The following KCNMA1 variants were observed in gnomAD, a reference collection of about 807,000 sequenced individuals.
KCNMA1 encodes the protein potassium calcium-activated channel subfamily M alpha 1.
A neutral mutation model predicts 140.0 loss-of-function variants in KCNMA1; 29 were observed. The ratio of observed to expected loss-of-function variants is 0.21; its 90% CI spans 0.15 to 0.28. KCNMA1 has a LOEUF of 0.28. Among genes scored for constraint, KCNMA1 ranks in the 10% least tolerant of loss-of-function variants. KCNMA1 has a pLI of 1.00. For synonymous variants in KCNMA1, 612 were observed against 611.9 expected, an observed-to-expected ratio of 1.00 and a Z score of 0.00; for missense variants, 880 against 1,602.2, an observed-to-expected ratio of 0.55 and a Z score of 7.70.
At chr10:77,370,390 C>T (rs2094607715) in intron 2 of KCNMA1, among the ~76,000 whole-genome samples, 1 of 152,020 alleles carries the variant, frequency 6.6e-6, no homozygotes, top group Non-Finnish European at 1.5e-5. Flanking sequence ...GTCCAAGTAC[C>T]TATTTCCTAC....
At chr10:77,505,449 C>T (rs531417431) in intron 1 of KCNMA1, among the ~76,000 whole-genome samples, 3 of 152,166 alleles carry the variant, frequency 2.0e-5, no homozygotes, top group Non-Finnish European at 4.4e-5. Context: ...ACAGAAGATA[C>T]AAAAGATTAG....
chr10:77,401,305 C>T (rs536724049), intron 2 of KCNMA1, among the ~76,000 whole-genome samples: 9 of 152,118 alleles, frequency 5.9e-5, no homozygotes, highest in East Asian at 1.9e-4. Flanking sequence ...TACAGGCACC[C>T]GCCACCACAC....
At chr10:77,357,488 G>C (rs980493263) in intron 2 of KCNMA1, among the ~76,000 whole-genome samples, 27 of 152,182 alleles carry the variant, frequency 1.8e-4, no homozygotes, top group Non-Finnish European at 8.8e-5. Flanking sequence ...TCAAAACCTT[G>C]TCTTGTATAT....
chr10:77,251,098 T>A, intron 3 of KCNMA1, 97 bp downstream of exon 3: 1 of 948,166 alleles, frequency 1.1e-6, no homozygotes, highest in African/African-American at 1.6e-5. Context: ...ACTCAGAAGG[T>A]CTTGCAAAGG....
intron 23 of KCNMA1, among the ~76,000 whole-genome samples, chr10:76,943,343 T>A (rs533232568): frequency 6.6e-6 from 1 of 152,190 alleles, no homozygotes; most frequent in African/African-American, 2.4e-5. Flanking sequence ...GACGGTGGCA[T>A]GGAGAGGTCA....
At chr10:77,409,412 C>T (rs374239510) in intron 1 of KCNMA1, among the ~76,000 whole-genome samples, 9 of 152,352 alleles carry the variant, frequency 5.9e-5, no homozygotes, top group East Asian at 1.9e-4. Context: ...AGGTGACCAC[C>T]GGGCCAGGAA....
chr10:77,313,074 C>T (rs563875384), intron 2 of KCNMA1, among the ~76,000 whole-genome samples: 17 of 152,268 alleles, frequency 1.1e-4, no homozygotes, highest in East Asian at 3.9e-4. Context: ...CTTTAAGAAA[C>T]GTTCAGCCTC....
intron 1 of KCNMA1, among the ~76,000 whole-genome samples, chr10:77,471,805 G>A (rs867475461): frequency 1.1e-4 from 17 of 149,884 alleles, no homozygotes; most frequent in African/African-American, 3.5e-4. Flanking sequence ...AAATATACAC[G>A]CAGCACACAC....
intron 2 of KCNMA1, among the ~76,000 whole-genome samples, chr10:77,380,663 A>G (rs757927837): frequency 2.6e-4 from 39 of 152,146 alleles, no homozygotes; most frequent in African/African-American, 8.9e-4. Flanking sequence ...GTAGATCCAC[A>G]TCTGGTTCTG....
intron 1 of KCNMA1, among the ~76,000 whole-genome samples, chr10:77,457,546 T>C (rs2097781006): frequency 6.6e-6 from 1 of 152,284 alleles, no homozygotes; most frequent in South Asian, 2.1e-4. Context: ...AGCCCTAGGA[T>C]GCTAGCAGCT....
chr10:76,941,247 C>T (rs529884962), intron 23 of KCNMA1, among the ~76,000 whole-genome samples: 91 of 152,036 alleles, frequency 6.0e-4, no homozygotes, highest in African/African-American at 1.9e-3. Flanking sequence ...ACATGAAATC[C>T]TTTTTGTTCC....
At chr10:77,116,458 T>G (rs1453582139) in intron 6 of KCNMA1, among the ~76,000 whole-genome samples, 2 of 152,110 alleles carry the variant, frequency 1.3e-5, no homozygotes, top group Non-Finnish European at 2.9e-5. Context: ...CCATGCACTT[T>G]GTACAAAGAA....
chr10:76,935,615 GA>G (rs889442925), intron 23 of KCNMA1, among the ~76,000 whole-genome samples: 51 of 151,284 alleles, frequency 3.4e-4, no homozygotes, highest in Non-Finnish European at 6.0e-4. Flanking sequence ...TGGCTCACCT[GA>G]AAAAAAAATT....
chr10:77,321,504 A>G (rs2082313433), intron 2 of KCNMA1, among the ~76,000 whole-genome samples: 1 of 152,200 alleles, frequency 6.6e-6, no homozygotes, highest in African/African-American at 2.4e-5. Flanking sequence ...CTTGTTATTA[A>G]TCAATTAATT....
At chr10:77,087,476 T>C (rs2096719094) in intron 10 of KCNMA1, among the ~76,000 whole-genome samples, 1 of 152,224 alleles carries the variant, frequency 6.6e-6, no homozygotes, top group African/African-American at 2.4e-5. Flanking sequence ...GGGAGAGGCA[T>C]CCTGCTGTTC....
intron 1 of KCNMA1, among the ~76,000 whole-genome samples, chr10:77,595,764 T>C (rs1320356219): frequency 1.3e-5 from 2 of 152,196 alleles, no homozygotes; most frequent in Non-Finnish European, 2.9e-5. Flanking sequence ...ATTCTTCTCC[T>C]CAGCCTCCCA....
chr10:77,142,093 C>T (rs1285637567), intron 5 of KCNMA1, among the ~76,000 whole-genome samples: 2 of 152,070 alleles, frequency 1.3e-5, no homozygotes, highest in Non-Finnish European at 2.9e-5. Context: ...GTAGGCCGGG[C>T]GCAGTGGCTC....
At chr10:77,188,262 G>A (rs1237787236) in intron 3 of KCNMA1, among the ~76,000 whole-genome samples, 1 of 151,780 alleles carries the variant, frequency 6.6e-6, no homozygotes, top group South Asian at 2.1e-4. Flanking sequence ...GGATTTACAT[G>A]GGCATATGTT....
intron 22 of KCNMA1, 67 bp downstream of exon 22, chr10:76,949,074 AT>A: frequency 8.3e-7 from 1 of 1,209,414 alleles, no homozygotes; most frequent in Non-Finnish European, 1.2e-6. Context: ...CAACTATTAT[AT>A]CCATCCGGGA....
Sources: allele counts gnomAD v4.1 joint callset (sites outside exome capture counted in the v4.1 genomes callset), GRCh38; gene constraint gnomAD v4.1.1; transcripts MANE v1.5; gene names NCBI Gene and HGNC (gene_info 2026-07-23, HGNC 2026-07-21).